The following RREB1 variants were observed in gnomAD, a reference collection of about 807,000 sequenced individuals.
RREB1 encodes ras responsive element binding protein 1.
RREB1 carries 27 observed loss-of-function variants against 117.8 expected under a neutral mutation model. The observed-to-expected ratio is 0.23, with a 90% CI of 0.17 to 0.32. The LOEUF is 0.32. RREB1 is among the 10% of genes least tolerant of loss of function. RREB1 has a pLI of 1.00. For missense variants in RREB1, 2,577 were observed against 2,378.2 expected (o/e 1.08, Z -1.74); for synonymous variants, 1,298 against 1,026.7 (o/e 1.26, Z -5.05).
chr6:7,165,777 G>A (rs925813754), intron 1 of RREB1, among the ~76,000 whole-genome samples: 20 of 152,082 alleles, frequency 1.3e-4, no homozygotes, highest in African/African-American at 4.8e-4. Context: ...CCCAATTATT[G>A]CCCGGGTATG....
At chr6:7,180,282 G>A (rs537141084) in intron 2 of RREB1, among the ~76,000 whole-genome samples, 1 of 152,252 alleles carries the variant, frequency 6.6e-6, no homozygotes, top group African/African-American at 2.4e-5. Flanking sequence ...CTGCAGGTTT[G>A]TAGCTGCTCT....
At chr6:7,243,842 C>CT (rs1768855412) in intron 11 of RREB1, among the ~76,000 whole-genome samples, 1 of 151,614 alleles carries the variant, frequency 6.6e-6, no homozygotes, top group African/African-American at 2.4e-5. Context: ...CTTTAAAGCT[C>CT]TATCATGTTA....
At chr6:7,215,845 C>A (rs140727001) in intron 8 of RREB1, 3 of 152,206 alleles carry the variant, frequency 2.0e-5, no homozygotes, top group Admixed American at 6.5e-5. Context: ...CTGCACCACA[C>A]CAGCCACATT....
chr6:7,218,279 C>T (rs777498260), intron 8 of RREB1: 1 of 152,214 alleles, frequency 6.6e-6, no homozygotes, highest in Non-Finnish European at 1.5e-5. Context: ...CAATGGTAGA[C>T]TTGATGGAGT....
chr6:7,240,612 C>T lies in RREB1; in HGVS notation c.3973+10C>T, dbSNP rs747602450. On this transcript the variant is annotated intron_variant, in intron 11 of 12. Coordinates refer to ENST00000379938, the MANE Select transcript of RREB1 (RefSeq NM_001003699.4). ...TCCCATGATAGCACAGGTAGTGCCGCCAGGTGAACAAGAACCCAGGAAGAG... is the reference window on the plus strand; with the variant it reads ...TCCCATGATAGCACAGGTAGTGCCGTCAGGTGAACAAGAACCCAGGAAGAG... 15 of 1,603,564 alleles carry T rather than the reference C, an allele frequency of 9.4e-6. No individual in the cohort carries two copies. Among genetic ancestry groups the T allele is most frequent in the African/African-American group, 2.7e-5 (2 of 74,574 alleles).
At chr6:7,247,413 C>T (rs1477698337) in intron 12 of RREB1, among the ~76,000 whole-genome samples, 192 bp downstream of exon 12, 1 of 152,128 alleles carries the variant, frequency 6.6e-6, no homozygotes, top group Non-Finnish European at 1.5e-5. Context: ...GTGCAGGCCT[C>T]CTGCAGCCAG....
At chr6:7,176,584 C>G (rs142381489) in intron 1 of RREB1, 71 bp from the exon 2 acceptor site, 1 of 152,682 alleles carries the variant, frequency 6.5e-6, no homozygotes, top group African/African-American at 2.4e-5. Context: ...TGGTGACTCC[C>G]GGTGATGTTG....
At chr6:7,160,493 C>A (rs894331765) in intron 1 of RREB1, among the ~76,000 whole-genome samples, 1 of 152,012 alleles carries the variant, frequency 6.6e-6, no homozygotes, top group Non-Finnish European at 1.5e-5. Context: ...ACTTTATAAA[C>A]ATTTTCCCAT....
At chr6:7,223,433 T>TG (rs1251811890) in intron 8 of RREB1, among the ~76,000 whole-genome samples, 1 of 151,640 alleles carries the variant, frequency 6.6e-6, no homozygotes, top group Non-Finnish European at 1.5e-5. Flanking sequence ...TGGTGGCGCA[T>TG]GCCTGTAATC....
At chr6:7,200,549 G>A (rs371766939) in intron 6 of RREB1, among the ~76,000 whole-genome samples, 11 of 151,992 alleles carry the variant, frequency 7.2e-5, no homozygotes, top group Non-Finnish European at 1.5e-4. Flanking sequence ...GATTACAGGC[G>A]TGAGCCACCA....
At chr6:7,114,278 C>T (rs151273412) in intron 1 of RREB1, among the ~76,000 whole-genome samples, 58 of 152,278 alleles carry the variant, frequency 3.8e-4, no homozygotes, top group Admixed American at 1.5e-3. Context: ...CACACCACCA[C>T]GCCCAGCTAA....
At position 7,231,041 on chromosome 6, in the gene RREB1, T is replaced by C; in HGVS notation, c.2942T>C (p.Val981Ala). 6.2e-7 allele frequency: 1 copy of C among 1,613,842 alleles called. No individual in the cohort carries two copies. The highest frequency in any genetic ancestry group is 1.1e-5 in the South Asian group (1 of 91,084). The change falls in exon 10 of 13, where the codon GTA becomes GCA. Residue 981 changes from valine to alanine, a missense_variant. Transcript: ENST00000379938. ...CCAGCACCCGGCCCTTCTCTTCCTG[T>C]AACTTTGGGGCCCAGCGGAATCCTG... is the stretch of plus-strand genomic sequence containing the variant. ...PCPAPGPSLP[V>A]TLGPSGILES...
At chr6:7,148,996 C>T (rs1762995444) in intron 1 of RREB1, among the ~76,000 whole-genome samples, 1 of 152,138 alleles carries the variant, frequency 6.6e-6, no homozygotes, top group Non-Finnish European at 1.5e-5. Context: ...GATTTCGGCT[C>T]ACTGCAACCT....
In RREB1 at chr6:7,237,393, T is replaced by A. The variant is rs191644000; in HGVS notation, c.3809-3045T>A. 1.8e-3 allele frequency among the ~76,000 whole-genome samples: 272 copies of A among 151,288 alleles called. 3 individuals are homozygous for A. Among genetic ancestry groups the A allele is most frequent in the African/African-American group, 6.1e-3 (248 of 40,774 alleles). ...TGAGCCTCCGTGCCGGCCTTTTTTT[T>A]TTATTATTATTTGTTATAGAGACAA... On this transcript the variant is annotated intron_variant, in intron 10 of 12. Coordinates refer to ENST00000379938, the MANE Select transcript of RREB1 (RefSeq NM_001003699.4).
chr6:7,119,039 G>A (rs754804914), intron 1 of RREB1, among the ~76,000 whole-genome samples: 13 of 151,960 alleles, frequency 8.6e-5, no homozygotes, highest in Non-Finnish European at 1.0e-4. Flanking sequence ...ACTGTGTTAA[G>A]CACCAAGTTT....
At chr6:7,247,351 A>T in intron 12 of RREB1, 130 bp downstream of exon 12, 1 of 797,994 alleles carries the variant, frequency 1.3e-6, no homozygotes, top group Non-Finnish European at 1.9e-6. Flanking sequence ...TGTGCCCTTT[A>T]AGCCCGTGAA....
intron 1 of RREB1, among the ~76,000 whole-genome samples, chr6:7,135,477 C>T (rs552527673): frequency 6.6e-6 from 1 of 152,236 alleles, no homozygotes; most frequent in Admixed American, 6.5e-5. Context: ...TTCCATTTTC[C>T]TTTTTTTCAA....
intron 1 of RREB1, among the ~76,000 whole-genome samples, chr6:7,166,499 G>C (rs1763936224): frequency 6.6e-6 from 1 of 152,202 alleles, no homozygotes; most frequent in Non-Finnish European, 1.5e-5. Context: ...AGCCCATGCA[G>C]CTCCTGGGAG....
chr6:7,188,226 C>CATGT (rs1554122397), intron 5 of RREB1, among the ~76,000 whole-genome samples: 1 of 149,302 alleles, frequency 6.7e-6, no homozygotes, highest in Non-Finnish European at 1.5e-5. Context: ...CCCCCCCACA[C>CATGT]GTGTGTGTGT....
Sources: gnomAD v4.1 joint callset for allele counts (sites outside exome capture counted in the v4.1 genomes callset) on GRCh38, gnomAD v4.1.1 for gene constraint, MANE v1.5 for transcripts, NCBI Gene and HGNC (gene_info 2026-07-23, HGNC 2026-07-21) for gene names.